DLGAP1: variants seen among roughly 807,000 people sequenced by gnomAD.
DLGAP1 encodes the protein disks large-associated protein 1.
Under a neutral mutation model 90.8 loss-of-function variants are expected in DLGAP1, and 11 were observed. The observed-to-expected ratio is 0.12, with a 90% CI of 0.08 to 0.20. The LOEUF is 0.20. DLGAP1 is among the 10% of genes least tolerant of loss of function. The probability of loss-of-function intolerance (pLI) is 1.00; values close to 1 mark genes in which losing one functional copy is unlikely to be tolerated. For synonymous variants in DLGAP1, 558 were observed against 540.7 expected (o/e 1.03, Z -0.44); for missense variants, 1,050 against 1,333.8 (o/e 0.79, Z 3.31).
At chr18:4,072,615 G>A (rs1218081053) in intron 2 of DLGAP1, among the ~76,000 whole-genome samples, 1 of 152,004 alleles carries the variant, frequency 6.6e-6, no homozygotes, top group Non-Finnish European at 1.5e-5. Flanking sequence ...AATTATGGCT[G>A]CATGCCACTG....
intron 7 of DLGAP1, among the ~76,000 whole-genome samples, chr18:3,590,870 G>A (rs918265885): frequency 4.0e-5 from 6 of 150,260 alleles, no homozygotes; most frequent in East Asian, 1.9e-4. Flanking sequence ...ATGAAACCCC[G>A]TCTAAAAAAA....
At chr18:3,937,426 C>A (rs920934404) in intron 3 of DLGAP1, among the ~76,000 whole-genome samples, 3 of 152,102 alleles carry the variant, frequency 2.0e-5, no homozygotes, top group African/African-American at 7.2e-5. Flanking sequence ...CATCAGATCT[C>A]ATGAGACTTG....
At chr18:3,863,493 G>A (rs2070206576) in intron 4 of DLGAP1, among the ~76,000 whole-genome samples, 1 of 152,102 alleles carries the variant, frequency 6.6e-6, no homozygotes, top group African/African-American at 2.4e-5. Context: ...TATTCCCTGG[G>A]GTTATCTCCT....
chr18:4,320,318 T>G (rs1421370612), intron 1 of DLGAP1, among the ~76,000 whole-genome samples: 1 of 152,204 alleles, frequency 6.6e-6, no homozygotes, highest in Non-Finnish European at 1.5e-5. Flanking sequence ...TTTTTGTTTC[T>G]AGATGCACTC....
In DLGAP1 at chr18:3,949,200, C is replaced by G. The variant is rs111385921; in HGVS notation, c.-73+55916G>C. Among the ~76,000 whole-genome samples, 1,303 of 152,258 alleles carry G rather than the reference C, an allele frequency of 8.6e-3. 17 individuals carry two copies. The highest frequency in any genetic ancestry group is 0.025 in the African/African-American group (1,024 of 41,540). The stretch of plus-strand genomic sequence containing the variant: ...GCTCTGATCTCTTTCTTGCCCTTAC[C>G]AAAGGGCTCACTGCAAACTGTATTT... On this transcript the variant is annotated intron_variant, in intron 3 of 12. Coordinates refer to ENST00000315677, the MANE Select transcript of DLGAP1 (RefSeq NM_004746.4).
intron 2 of DLGAP1, among the ~76,000 whole-genome samples, chr18:4,105,507 C>G (rs4798169): frequency 1.3e-5 from 2 of 152,088 alleles, no homozygotes; most frequent in South Asian, 2.1e-4. Flanking sequence ...TTTAGCAACA[C>G]TACTTAAATT....
At chr18:3,568,780 A>G (rs1015126686) in intron 8 of DLGAP1, among the ~76,000 whole-genome samples, 11 of 151,566 alleles carry the variant, frequency 7.3e-5, no homozygotes, top group Non-Finnish European at 2.9e-5. Flanking sequence ...TCCGCCTCCC[A>G]GGTTCACACC....
rs35051652 is a variant in DLGAP1 at position 4,454,287 on chromosome 18, G to A, written c.-267+719C>T. Among the ~76,000 whole-genome samples, 67,988 of 152,020 alleles carry A rather than the reference G, an allele frequency of 0.45. 16,153 individuals carry two copies. The highest frequency in any genetic ancestry group is 0.63 in the East Asian group (3,231 of 5,118). ...AGGTCCCTGTTTGGCCTTGGTTCCAGCCCGGCTCATTCAATTCGCTGAATG... is the reference window on the plus strand; with the variant it reads ...AGGTCCCTGTTTGGCCTTGGTTCCAACCCGGCTCATTCAATTCGCTGAATG... On this transcript the variant is annotated intron_variant, in intron 1 of 12. Coordinates refer to ENST00000315677, the MANE Select transcript of DLGAP1 (RefSeq NM_004746.4). The surrounding 1 kb of genome is among the most constrained non-coding windows in gnomAD (Gnocchi z 4.7).
chr18:3,800,723 T>C (rs974866831), intron 5 of DLGAP1, among the ~76,000 whole-genome samples: 6 of 152,150 alleles, frequency 3.9e-5, no homozygotes, highest in Admixed American at 3.9e-4. Flanking sequence ...ATGAGTATTA[T>C]ATTTTGTAAT....
chr18:4,251,154 A>G (rs529986407), intron 1 of DLGAP1, among the ~76,000 whole-genome samples: 1 of 152,276 alleles, frequency 6.6e-6, no homozygotes, highest in South Asian at 2.1e-4. Flanking sequence ...ATACTCTCAC[A>G]TGCATTTGAG....
intron 7 of DLGAP1, among the ~76,000 whole-genome samples, chr18:3,583,350 C>T (rs1234416993): frequency 6.6e-6 from 1 of 151,772 alleles, no homozygotes; most frequent in Non-Finnish European, 1.5e-5. Context: ...CCTTCTCTCT[C>T]TCTCTCCGTC....
Position 3,831,016 on chromosome 18 carries a change from G to T in DLGAP1, c.958-16743C>A, listed in dbSNP as rs371223761. Among the ~76,000 whole-genome samples the T allele has an allele frequency of 2.0e-5, 3 of 152,346 alleles. No individual in the cohort carries two copies. In the South Asian group the frequency reaches 6.2e-4, roughly 32 times the overall value. Reference sequence around the variant, plus strand: ...ATTTTCCTCTACCAAGGGCAGGGAAGAAACCTCGCAATGGTTGTGGGCAAA... The same window carrying T: ...ATTTTCCTCTACCAAGGGCAGGGAATAAACCTCGCAATGGTTGTGGGCAAA... On this transcript the variant is annotated intron_variant, in intron 4 of 12. Coordinates refer to ENST00000315677, the MANE Select transcript of DLGAP1 (RefSeq NM_004746.4).
chr18:3,769,833 T>C (rs2064433535), intron 5 of DLGAP1, among the ~76,000 whole-genome samples: 1 of 149,246 alleles, frequency 6.7e-6, no homozygotes, highest in African/African-American at 2.4e-5. Flanking sequence ...TTTTTTGAAA[T>C]GTTACCACGG....
intron 1 of DLGAP1, among the ~76,000 whole-genome samples, chr18:4,401,415 A>G (rs906154432): frequency 3.9e-5 from 6 of 152,246 alleles, no homozygotes; most frequent in African/African-American, 1.4e-4. Flanking sequence ...GATCCAGAAC[A>G]AAAGTACCAG....
intron 5 of DLGAP1, among the ~76,000 whole-genome samples, chr18:3,765,479 A>T (rs1314300475): frequency 6.6e-6 from 1 of 151,950 alleles, no homozygotes; most frequent in East Asian, 1.9e-4. Context: ...AACTGGTAAA[A>T]ATGATGATGT....
intron 2 of DLGAP1, among the ~76,000 whole-genome samples, chr18:4,023,528 C>CT (rs2074648912): frequency 6.6e-6 from 1 of 152,150 alleles, no homozygotes; most frequent in African/African-American, 2.4e-5. Context: ...TTATTATTAA[C>CT]TTTATTTTTA....
At chr18:3,826,261 C>T (rs527761602) in intron 4 of DLGAP1, among the ~76,000 whole-genome samples, 7 of 152,176 alleles carry the variant, frequency 4.6e-5, no homozygotes, top group Non-Finnish European at 8.8e-5. Context: ...CACATGTATG[C>T]CCTGAATCTA....
At chr18:4,322,818 A>C (rs908026080) in intron 1 of DLGAP1, among the ~76,000 whole-genome samples, 1 of 151,980 alleles carries the variant, frequency 6.6e-6, no homozygotes, top group Non-Finnish European at 1.5e-5. Flanking sequence ...AAAATTAGCC[A>C]GGCGTTTTGG....
At position 3,866,132 on chromosome 18, in the gene DLGAP1, C is replaced by T. The variant is rs1213156327; in HGVS notation, c.957+12980G>A. Among the ~76,000 whole-genome samples the T allele has an allele frequency of 2.0e-5, 3 of 152,172 alleles. No individual in the cohort carries two copies. The South Asian group carries it at 6.2e-4, about 32-fold the overall frequency. On this transcript the variant is annotated intron_variant, in intron 4 of 12. Transcript: ENST00000315677. ...TAAAGCCCAAAAGTGATTTTGTAGT[C>T]TGAGTCAATCAGGAACTCCTGGAGT...
Sources: allele counts gnomAD v4.1 joint callset (sites outside exome capture counted in the v4.1 genomes callset), GRCh38; gene constraint gnomAD v4.1.1; non-coding constraint Gnocchi (gnomAD v3.1); transcripts MANE v1.5; gene names NCBI Gene and HGNC (gene_info 2026-07-23, HGNC 2026-07-21).